The following CD81 variants were observed in gnomAD, a reference collection of about 807,000 sequenced individuals.
CD81 encodes the protein CD81 molecule.
In CD81, 10 loss-of-function variants were observed where a neutral mutation model predicts 30.1. The ratio of observed to expected loss-of-function variants is 0.33; its 90% CI spans 0.21 to 0.56. CD81 has a LOEUF of 0.56. Ranked by LOEUF, CD81 falls within the 20% of genes least tolerant of loss-of-function variation. The pLI, the probability that CD81 is intolerant of heterozygous loss-of-function variation, is 0.89. For synonymous variants in CD81, 147 were observed against 126.4 expected (o/e 1.16, Z -1.10); for missense variants, 263 against 308.7 (o/e 0.85, Z 1.11).
intron 1 of CD81, among the ~76,000 whole-genome samples, chr11:2,382,165 T>C (rs953749841): frequency 6.6e-6 from 1 of 152,218 alleles, no homozygotes; most frequent in Non-Finnish European, 1.5e-5. Flanking sequence ...CTTCCTGCAC[T>C]GGCCGCCAAT....
rs1184535879 is a variant in CD81 at position 2,377,383 on chromosome 11, A to G, written c.-167A>G. 1 of 151,904 alleles carries G rather than the reference A, an allele frequency of 6.6e-6. No homozygotes were observed. Among genetic ancestry groups the G allele is most frequent in the African/African-American group, 2.5e-5 (1 of 40,646 alleles). 9.4% of individuals were successfully genotyped at this position (151,904 alleles called of 1,614,324 possible). ...GCATCCTGCCAGGCCTCCGGCGCCC[A>G]GCGCCCCACGCGCCCCCGCGCCCCC... On this transcript the variant is annotated 5_prime_UTR_variant, in exon 1 of 8. Coordinates refer to ENST00000263645, the MANE Select transcript of CD81 (RefSeq NM_004356.4). This position sits in a 1 kb window ranked among gnomAD's most constrained non-coding sequence, Gnocchi z 7.7.
intron 1 of CD81, among the ~76,000 whole-genome samples, chr11:2,383,075 C>T (rs770556407): frequency 6.6e-6 from 1 of 152,216 alleles, no homozygotes; most frequent in Non-Finnish European, 1.5e-5. Context: ...TGACTCCTCA[C>T]ATCCCCCAGC....
chr11:2,385,586 CGTCTGTGTGGCATGCCT>C (rs1564990883), intron 1 of CD81: 10 of 240,878 alleles, frequency 4.2e-5, no homozygotes, highest in African/African-American at 3.5e-4. Context: ...GCGTGCCCGT[CGTCTGTGTGGCATGCCT>C]GTCTGTGCAC....
At chr11:2,391,534 T>C (rs1849900648) in intron 2 of CD81, 1 of 152,178 alleles carries the variant, frequency 6.6e-6, no homozygotes, top group Non-Finnish European at 1.5e-5. Flanking sequence ...CATGCCCCGC[T>C]CATGGGTCAG....
At chr11:2,384,208 G>T (rs1299271195) in intron 1 of CD81, among the ~76,000 whole-genome samples, 1 of 151,854 alleles carries the variant, frequency 6.6e-6, no homozygotes, top group African/African-American at 2.4e-5. Flanking sequence ...AGCCCTCCAG[G>T]AACCCCACAG....
At chr11:2,386,117 G>T in intron 1 of CD81, 2 of 717,440 alleles carry the variant, frequency 2.8e-6, no homozygotes, top group Non-Finnish European at 5.2e-6. Context: ...CGCTCGGCAT[G>T]TGGCTGCAGC....
In CD81 at chr11:2,390,393, T is replaced by C; in HGVS notation, c.67-19T>C. ...GCAGTGCTCTTCGTACATGTGACAC[T>C]GTTCCCGCTCTTTCCCAGCTGGCTG... On this transcript the variant is annotated intron_variant, in intron 1 of 7. Transcript: ENST00000263645. 6.3e-7 allele frequency: 1 copy of C among 1,596,980 alleles called. No individual in the cohort carries two copies. The highest frequency in any genetic ancestry group is 1.1e-5 in the South Asian group (1 of 90,774).
intron 6 of CD81, chr11:2,396,359 G>A: frequency 3.4e-6 from 2 of 592,952 alleles, no homozygotes; most frequent in Non-Finnish European, 6.0e-6. Flanking sequence ...ATGCTTTAGG[G>A]GTCTAGTGAC....
chr11:2,397,076 A>T lies in CD81; in HGVS notation c.*210A>T, dbSNP rs1158252242. On this transcript the variant is annotated 3_prime_UTR_variant, in exon 8 of 8. Transcript: ENST00000263645. ...ACATGTAGGTGGCGTGTATGAGTGG[A>T]GACGGGCCTGGGTCTTGGGGACTGG... The T allele has an allele frequency of 1.5e-5, 9 of 613,836 alleles. No individual in the cohort carries two copies. The highest frequency in any genetic ancestry group is 3.7e-5 in the South Asian group (2 of 53,648). The allele number at this position is 613,836 out of a possible 1,614,324, so 38.0% of individuals were successfully genotyped here. A position where few individuals can be genotyped will look rare whatever the true frequency, so the allele number is the denominator to read the frequency against.
At chr11:2,386,166 C>T in intron 1 of CD81, 1 of 717,390 alleles carries the variant, frequency 1.4e-6, no homozygotes, top group East Asian at 2.7e-5. Context: ...GGTGGAGCAT[C>T]TCTTCATGTG....
At chr11:2,386,182 T>C (rs1348926469) in intron 1 of CD81, 1 of 717,234 alleles carries the variant, frequency 1.4e-6, no homozygotes, top group Non-Finnish European at 2.6e-6. Context: ...ATGTGCTTTT[T>C]TGCTGTGTGT....
intron 1 of CD81, among the ~76,000 whole-genome samples, chr11:2,387,801 T>G (rs992828176): frequency 1.3e-5 from 2 of 152,164 alleles, no homozygotes; most frequent in African/African-American, 4.8e-5. Flanking sequence ...ACAGAAGAGC[T>G]TCAGTCTGGG....
chr11:2,393,982 C>A (rs769537594), intron 2 of CD81, 113 bp from the exon 3 acceptor site: 3 of 806,930 alleles, frequency 3.7e-6, no homozygotes, highest in East Asian at 5.0e-5. Context: ...CAGTCAGCAA[C>A]CCTACATCTT....
chr11:2,395,587 G>C, intron 5 of CD81, 67 bp downstream of exon 5: 1 of 1,252,648 alleles, frequency 8.0e-7, no homozygotes, highest in Non-Finnish European at 1.2e-6. Flanking sequence ...GTCTCGTCCT[G>C]GATGAATCCT....
At chr11:2,383,447 T>C (rs1254637318) in intron 1 of CD81, among the ~76,000 whole-genome samples, 1 of 152,100 alleles carries the variant, frequency 6.6e-6, no homozygotes, top group Non-Finnish European at 1.5e-5. Context: ...GCCCCCAGCG[T>C]CCCTTCCTGG....
At chr11:2,376,584 C>T (rs993298657), upstream of CD81, among the ~76,000 whole-genome samples, 1 of 152,224 alleles carries the variant, frequency 6.6e-6, no homozygotes, top group Non-Finnish European at 1.5e-5. Context: ...TGGGGCACGA[C>T]ACAACCAGGA....
Position 2,394,099 on chromosome 11 carries a change from C to G in CD81, c.186C>G (p.Ile62Met). 6.2e-7 allele frequency: 1 copy of G among 1,612,504 alleles called. No homozygotes were observed. The highest frequency in any genetic ancestry group is 8.5e-7 in the Non-Finnish European group (1 of 1,179,208). ...KPAPNTFYVG[I>M]YILIAVGAVM... Reference sequence around the variant, plus strand: ...TGGTGTCTCTCTCCCCGCAAGGCATCTACATCCTCATCGCTGTGGGCGCTG... The same window carrying G: ...TGGTGTCTCTCTCCCCGCAAGGCATGTACATCCTCATCGCTGTGGGCGCTG... The change falls in exon 3 of 8, where the codon ATC (isoleucine) becomes ATG (methionine). Residue 62 changes from isoleucine to methionine, a missense_variant. This residue lies in a region of CD81 where 84 missense variants were observed against 98.2 expected (regional missense o/e 0.86). Transcript: ENST00000263645.
chr11:2,383,690 T>C (rs917662386), intron 1 of CD81, among the ~76,000 whole-genome samples: 5 of 151,966 alleles, frequency 3.3e-5, no homozygotes, highest in African/African-American at 1.2e-4. Context: ...GTGGACCCCC[T>C]CCCCAAGAGC....
At position 2,396,593 on chromosome 11, in the gene CD81, G is replaced by A. The variant is rs564757603; in HGVS notation, c.562-35G>A. The A allele has an allele frequency of 3.4e-5, 54 of 1,567,572 alleles. No homozygotes were observed. In the South Asian group the frequency reaches 4.3e-4, roughly 13 times the overall value. On this transcript the variant is annotated intron_variant, in intron 6 of 7. Coordinates refer to ENST00000263645, the MANE Select transcript of CD81 (RefSeq NM_004356.4). Reference sequence around the variant, plus strand: ...AACGGGAAGCCGGGAGCCGAGGCCCGGTCCCTGACCACGCGTGCCTGGCCA... The same window carrying A: ...AACGGGAAGCCGGGAGCCGAGGCCCAGTCCCTGACCACGCGTGCCTGGCCA...
Sources: gnomAD v4.1 joint callset for allele counts (sites outside exome capture counted in the v4.1 genomes callset) on GRCh38, gnomAD v4.1.1 for gene constraint, gnomAD v4.1.1 regional missense constraint, Gnocchi (gnomAD v3.1) non-coding constraint, MANE v1.5 for transcripts, NCBI Gene and HGNC (gene_info 2026-07-23, HGNC 2026-07-21) for gene names.